The following MME variants were observed in gnomAD, a reference collection of about 807,000 sequenced individuals.
MME encodes membrane metalloendopeptidase.
A neutral mutation model predicts 113.2 loss-of-function variants in MME; 98 were observed. The ratio of observed to expected loss-of-function variants is 0.87; its 90% confidence interval spans 0.74 to 1.02. MME has a LOEUF of 1.02. Ranked by LOEUF, MME falls within the 50% of genes least tolerant of loss-of-function variation. The pLI is 0.00. For missense variants in MME, 836 were observed against 896.0 expected, an observed-to-expected ratio of 0.93 and a Z score of 0.86; for synonymous variants, 292 against 300.6, an observed-to-expected ratio of 0.97 and a Z score of 0.30.
chr3:155,049,932 G>C (rs942683948), intron 1 of MME, among the ~76,000 whole-genome samples: 1 of 152,154 alleles, frequency 6.6e-6, no homozygotes, highest in South Asian at 2.1e-4. Flanking sequence ...TCATCACCCA[G>C]GTACTAAGCA....
At chr3:155,155,263 G>T (rs749419416) in intron 16 of MME, among the ~76,000 whole-genome samples, 1 of 152,058 alleles carries the variant, frequency 6.6e-6, no homozygotes. Context: ...AAAACAAAAC[G>T]AAACAAAAAT....
rs138955284 is a variant in MME at position 155,126,738 on chromosome 3, G to T, written c.720+7927G>T. 6.6e-3 allele frequency among the ~76,000 whole-genome samples: 1,009 copies of T among 152,192 alleles called. 9 individuals carry two copies. The highest frequency in any genetic ancestry group is 0.01 in the Middle Eastern group (3 of 294). On this transcript the variant is annotated intron_variant, in intron 8 of 22. Coordinates refer to ENST00000360490, the MANE Select transcript of MME (RefSeq NM_007289.4). ...TTATTGGCTGGGCGCAGTGGCTCAT[G>T]CCTGTAATCTCTGCACTTTGGGAGG... is the stretch of plus-strand genomic sequence containing the variant.
chr3:155,110,309 T>C (rs1019665566), intron 3 of MME, among the ~76,000 whole-genome samples: 6 of 152,198 alleles, frequency 3.9e-5, no homozygotes, highest in Non-Finnish European at 8.8e-5. Flanking sequence ...ACTAGCTGCT[T>C]GATCTTGGAA....
Position 155,116,505 on chromosome 3 carries a change from G to GAT in MME, c.389_390dup (p.Val131Ter). 6.2e-7 allele frequency: 1 copy of GAT among 1,612,630 alleles called. No homozygotes were observed. The highest frequency in any genetic ancestry group is 8.5e-7 in the Non-Finnish European group (1 of 1,178,992). ...TGTCCTTCAAGAACCCAAAACTGAA[G>GAT]ATATAGTAGCAGTGCAGAAAGCAAA... On this transcript the variant is annotated frameshift_variant, in exon 5 of 23. Transcript: ENST00000360490. LOFTEE classifies it high-confidence loss of function.
chr3:155,159,654 A>C (rs996884544), intron 16 of MME, among the ~76,000 whole-genome samples: 8 of 151,834 alleles, frequency 5.3e-5, no homozygotes, highest in Non-Finnish European at 8.8e-5. Context: ...ATAGTTATTT[A>C]TGCATTTTTC....
intron 1 of MME, among the ~76,000 whole-genome samples, chr3:155,056,093 G>A (rs557526265): frequency 3.5e-4 from 53 of 151,904 alleles, no homozygotes; most frequent in Middle Eastern, 3.4e-3. Flanking sequence ...TCATAGAAAG[G>A]GAAATTGAAT....
chr3:155,103,800 C>A (rs1717462279), intron 3 of MME, among the ~76,000 whole-genome samples: 1 of 152,164 alleles, frequency 6.6e-6, no homozygotes, highest in South Asian at 2.1e-4. Flanking sequence ...TGTTCTTCAA[C>A]AACCACCATC....
chr3:155,072,024 G>C (rs1054929584), intron 1 of MME, among the ~76,000 whole-genome samples: 1 of 151,980 alleles, frequency 6.6e-6, no homozygotes, highest in Admixed American at 6.6e-5. Flanking sequence ...AGCCGGGCGC[G>C]GTGGCGGGCG....
chr3:155,115,823 A>ATG (rs1718553831), intron 4 of MME, among the ~76,000 whole-genome samples: 5 of 152,178 alleles, frequency 3.3e-5, no homozygotes, highest in Admixed American at 1.3e-4. Flanking sequence ...CCTGTGTTAA[A>ATG]GTTACTGTAA....
intron 1 of MME, among the ~76,000 whole-genome samples, chr3:155,063,498 T>A (rs1290391879): frequency 2.7e-5 from 3 of 110,542 alleles, no homozygotes; most frequent in Non-Finnish European, 5.1e-5. Context: ...TATATATATT[T>A]AAATATATAT....
chr3:155,048,451 T>G (rs779888882), intron 1 of MME, among the ~76,000 whole-genome samples: 2 of 152,156 alleles, frequency 1.3e-5, no homozygotes, highest in Non-Finnish European at 2.9e-5. Context: ...TTGGGAGAAA[T>G]GGGTTGTAGT....
In MME at chr3:155,182,184, G is replaced by A. The variant is rs1229164930; in HGVS notation, c.*1725G>A. The A allele has an allele frequency of 6.6e-6, 1 of 152,152 alleles. No individual in the cohort carries two copies. The highest frequency in any genetic ancestry group is 1.5e-5 in the Non-Finnish European group (1 of 68,022). 9.4% of individuals were successfully genotyped at this position (152,152 alleles called of 1,614,324 possible). On this transcript the variant is annotated 3_prime_UTR_variant, in exon 23 of 23. Coordinates refer to ENST00000360490, the MANE Select transcript of MME (RefSeq NM_007289.4). ...AGAATCAATCAGTATGTATTCTTTT[G>A]TGCCTGGCTTCTTTCTCTCAGCCTT... is the stretch of plus-strand genomic sequence containing the variant.
At chr3:155,040,333 T>G (rs1257637639) in intron 1 of MME, among the ~76,000 whole-genome samples, 22 of 152,262 alleles carry the variant, frequency 1.4e-4, no homozygotes, top group Non-Finnish European at 5.9e-5. Context: ...ACCAAACATG[T>G]GCCCAGACAT....
chr3:155,027,390 G>A (rs1336079480), intron 1 of MME, among the ~76,000 whole-genome samples: 2 of 152,160 alleles, frequency 1.3e-5, no homozygotes, highest in South Asian at 4.1e-4. Flanking sequence ...GGTTTTTATG[G>A]TTCTTCAAGG....
chr3:155,144,259 A>C (rs1230597790), intron 13 of MME, 100 bp from the exon 14 acceptor site: 1 of 806,560 alleles, frequency 1.2e-6, no homozygotes, highest in Non-Finnish European at 2.2e-6. Flanking sequence ...GTTTATTAAC[A>C]TATTAAGTCA....
chr3:155,066,548 T>C (rs771808151), intron 1 of MME, among the ~76,000 whole-genome samples: 9 of 152,078 alleles, frequency 5.9e-5, no homozygotes, highest in Non-Finnish European at 1.3e-4. Flanking sequence ...TTTCCCCAAA[T>C]TGAGTCATTT....
chr3:155,091,040 G>T (rs1384352080), intron 3 of MME, among the ~76,000 whole-genome samples: 1 of 152,208 alleles, frequency 6.6e-6, no homozygotes, highest in East Asian at 1.9e-4. Flanking sequence ...TGGCCCTGTA[G>T]CAGCCTTTTA....
At chr3:155,092,617 A>G (rs1006001696) in intron 3 of MME, among the ~76,000 whole-genome samples, 1 of 152,204 alleles carries the variant, frequency 6.6e-6, no homozygotes, top group Non-Finnish European at 1.5e-5. Context: ...ATATGTATTA[A>G]CAGGTGAATA....
At chr3:155,168,693 C>CT (rs768853027) in intron 19 of MME, 39 bp from the exon 20 acceptor site, 9 of 1,611,830 alleles carry the variant, frequency 5.6e-6, no homozygotes, top group South Asian at 1.1e-5. Context: ...TTGGTGGTTT[C>CT]TTTTTTTAAC....
Sources: gnomAD v4.1 joint callset for allele counts (sites outside exome capture counted in the v4.1 genomes callset) on GRCh38, gnomAD v4.1.1 for gene constraint, MANE v1.5 for transcripts, NCBI Gene and HGNC (gene_info 2026-07-23, HGNC 2026-07-21) for gene names.